Variants in MCTP2 observed in about 807,000 individuals in gnomAD.
MCTP2 encodes multiple C2 and transmembrane domain-containing protein 2.
A neutral mutation model predicts 111.6 loss-of-function variants in MCTP2; 132 were observed. That is an observed-to-expected ratio of 1.18 (90% CI 1.03 to 1.37). MCTP2 has a LOEUF of 1.37. Ranked by LOEUF, MCTP2 falls within the 40% of genes most tolerant of loss-of-function variation. The probability of loss-of-function intolerance (pLI) is 0.00; values close to 1 mark genes in which losing one functional copy is unlikely to be tolerated. For missense variants in MCTP2, 1,183 were observed against 1,067.9 expected (o/e 1.11, Z -1.50); for synonymous variants, 395 against 387.7 (o/e 1.02, Z -0.22).
In MCTP2 at chr15:94,457,671, C is replaced by T. The variant is rs541066918; in HGVS notation, c.2251-466C>T. On this transcript the variant is annotated intron_variant, in intron 19 of 22. Coordinates refer to ENST00000357742, the MANE Select transcript of MCTP2 (RefSeq NM_001385001.1). ...GTTTAGAACATGCTTAAAAATGCAG[C>T]GGAGTTTGACTAAGATGCTCCAGTA... 2.9e-4 allele frequency among the ~76,000 whole-genome samples: 44 copies of T among 152,172 alleles called. No homozygotes were observed. In the South Asian group the frequency reaches 3.9e-3, roughly 14 times the overall value.
At chr15:94,443,035 T>G (rs1445180869) in intron 19 of MCTP2, 75 bp downstream of exon 19, 4 of 1,084,676 alleles carry the variant, frequency 3.7e-6, no homozygotes, top group Non-Finnish European at 5.2e-6. Context: ...TCAGGTTGAG[T>G]CTCTCTCCTC....
chr15:94,354,574 G>T (rs868274016), intron 8 of MCTP2, among the ~76,000 whole-genome samples: 36 of 152,290 alleles, frequency 2.4e-4, no homozygotes, highest in African/African-American at 7.9e-4. Context: ...CCCCAGCCAC[G>T]CTGCACTGAG....
intron 14 of MCTP2, among the ~76,000 whole-genome samples, chr15:94,390,082 A>ACATACG (rs1423674269): frequency 7.2e-4 from 8 of 11,120 alleles, no homozygotes; most frequent in African/African-American, 1.6e-3. Flanking sequence ...ATATATATAT[A>ACATACG]TATATATGTA....
At chr15:94,421,888 C>T (rs933647812) in intron 17 of MCTP2, among the ~76,000 whole-genome samples, 9 of 152,138 alleles carry the variant, frequency 5.9e-5, no homozygotes, top group African/African-American at 2.2e-4. Context: ...ATTCTGCCTA[C>T]CACAATGAGG....
chr15:94,346,304 A>C (rs2077979390), intron 8 of MCTP2, among the ~76,000 whole-genome samples: 1 of 152,194 alleles, frequency 6.6e-6, no homozygotes, highest in Non-Finnish European at 1.5e-5. Flanking sequence ...AATTCTCATA[A>C]GGTGTCTTGT....
At chr15:94,276,581 A>G (rs961074931) in intron 1 of MCTP2, among the ~76,000 whole-genome samples, 4 of 151,824 alleles carry the variant, frequency 2.6e-5, no homozygotes, top group South Asian at 2.1e-4. Flanking sequence ...TTGATATTAC[A>G]TGTAAACTAG....
At chr15:94,470,810 T>C (rs774836466) in intron 21 of MCTP2, among the ~76,000 whole-genome samples, 2 of 152,120 alleles carry the variant, frequency 1.3e-5, no homozygotes, top group Non-Finnish European at 2.9e-5. Context: ...GCCCTTGATA[T>C]TATGTAAAAG....
At position 94,440,335 on chromosome 15, in the gene MCTP2, G is replaced by A. The variant is rs373800962; in HGVS notation, c.2208+37G>A. ...TTCGGAGTTCTGACATTTGACTGCC[G>A]AGAAATGTGTTAACAACAAACTACC... On this transcript the variant is annotated intron_variant, in intron 18 of 22. Transcript: ENST00000357742. 8.7e-6 allele frequency: 14 copies of A among 1,610,614 alleles called. No homozygotes were observed. In the East Asian group the frequency reaches 8.9e-5, roughly 10 times the overall value.
At chr15:94,306,991 G>T (rs573060961) in intron 2 of MCTP2, among the ~76,000 whole-genome samples, 6 of 152,022 alleles carry the variant, frequency 3.9e-5, no homozygotes, top group Non-Finnish European at 8.8e-5. Flanking sequence ...GTGTGATCTC[G>T]AAAGTCGTAC....
chr15:94,437,077 C>T (rs1022605036), intron 17 of MCTP2, among the ~76,000 whole-genome samples: 1 of 146,388 alleles, frequency 6.8e-6, no homozygotes, highest in African/African-American at 2.5e-5. Context: ...TGGAGCAAGC[C>T]ACACTAGAGG....
intron 1 of MCTP2, among the ~76,000 whole-genome samples, chr15:94,242,947 A>ATACACATATACACGTGTATATGTGTATC (rs2071099124): frequency 1.4e-4 from 19 of 131,626 alleles, no homozygotes; most frequent in Admixed American, 4.3e-4. Context: ...GTATATGTAG[A>ATACACATATACACGTGTATATGTGTATC]TACACATATA....
At chr15:94,358,913 T>C (rs185442632) in intron 10 of MCTP2, among the ~76,000 whole-genome samples, 76 of 152,330 alleles carry the variant, frequency 5.0e-4, no homozygotes, top group African/African-American at 1.8e-3. Context: ...ATATACGCTA[T>C]AATTTTGGTT....
rs760187771 is a variant in MCTP2, at chr15:94,470,436, A to T, written c.2464A>T (p.Ile822Phe). 3 of 1,604,754 alleles carry T rather than the reference A, an allele frequency of 1.9e-6. No homozygotes were observed. Among genetic ancestry groups the T allele is most frequent in the South Asian group, 1.1e-5 (1 of 90,904 alleles). ...YFIPLRYIILIWGINKFTKKL... is the reference protein window; with the variant it reads ...YFIPLRYIILFWGINKFTKKL... Reference sequence around the variant, plus strand: ...CATTCCACTGCGGTACATCATTTTAATCTGGGGTAAGTTTGGAATGGTCCT... The same window carrying T: ...CATTCCACTGCGGTACATCATTTTATTCTGGGGTAAGTTTGGAATGGTCCT... The change falls in exon 21 of 23, where the codon ATC (isoleucine) becomes TTC (phenylalanine). Residue 822 changes from isoleucine to phenylalanine, a missense_variant. Ile to Phe is a conservative substitution (Grantham distance 21, BLOSUM62 0). Coordinates refer to ENST00000357742, the MANE Select transcript of MCTP2 (RefSeq NM_001385001.1).
intron 1 of MCTP2, among the ~76,000 whole-genome samples, chr15:94,267,404 T>C (rs1387646855): frequency 6.6e-6 from 1 of 152,214 alleles, no homozygotes; most frequent in Non-Finnish European, 1.5e-5. Flanking sequence ...CATTTCTTTT[T>C]GTTGGTGAGT....
At chr15:94,470,922 G>T (rs2073874124) in intron 21 of MCTP2, among the ~76,000 whole-genome samples, 1 of 152,196 alleles carries the variant, frequency 6.6e-6, no homozygotes, top group African/African-American at 2.4e-5. Context: ...AGAGGGAGGG[G>T]AGGGGGCGTT....
In MCTP2 at chr15:94,284,036, G is replaced by A. The variant is rs543382909; in HGVS notation, c.-65-14165G>A. ...GTTGCACAATGGGAACTCATTAACT[G>A]CATCAGGAATATAAATTAATATACC... On this transcript the variant is annotated intron_variant, in intron 1 of 22. Coordinates refer to ENST00000357742, the MANE Select transcript of MCTP2 (RefSeq NM_001385001.1). 4.7e-4 allele frequency among the ~76,000 whole-genome samples: 72 copies of A among 152,258 alleles called. 1 individual carries two copies. Among genetic ancestry groups the A allele is most frequent in the African/African-American group, 1.7e-3 (69 of 41,558 alleles).
At chr15:94,268,935 A>G (rs913150369) in intron 1 of MCTP2, among the ~76,000 whole-genome samples, 2 of 152,180 alleles carry the variant, frequency 1.3e-5, no homozygotes, top group African/African-American at 4.8e-5. Flanking sequence ...TCAGGGATGG[A>G]TTGATGGAAT....
In MCTP2 at chr15:94,339,292, A is replaced by T; in HGVS notation, c.640A>T (p.Thr214Ser). ...CTTGTTTTCTTTTCCTTTTAAAGGC[A>T]CAAGTGATCCTTATGTGAAATTTAA... ...RNLVVRDRCG[T>S]SDPYVKFKLN... The change falls in exon 5 of 23, where the codon ACA becomes TCA. Residue 214 changes from threonine to serine, a missense_variant and splice_region_variant. By Grantham distance (58) the Thr-to-Ser change is moderately conservative. Coordinates refer to ENST00000357742, the MANE Select transcript of MCTP2 (RefSeq NM_001385001.1). The T allele has an allele frequency of 6.3e-7, 1 of 1,593,116 alleles. No homozygotes were observed. The highest frequency in any genetic ancestry group is 2.2e-5 in the East Asian group (1 of 44,760).
At chr15:94,300,961 G>C (rs945365302) in intron 2 of MCTP2, among the ~76,000 whole-genome samples, 1 of 152,104 alleles carries the variant, frequency 6.6e-6, no homozygotes. Flanking sequence ...GTGTGGGCTG[G>C]TCCATGATAG....
Sources: allele counts gnomAD v4.1 joint callset (sites outside exome capture counted in the v4.1 genomes callset), GRCh38; gene constraint gnomAD v4.1.1; transcripts MANE v1.5; gene names NCBI Gene and HGNC (gene_info 2026-07-23, HGNC 2026-07-21).